The following XPO4 variants were observed in gnomAD, a reference collection of about 807,000 sequenced individuals.
XPO4 encodes exportin-4.
XPO4 carries 39 observed loss-of-function variants against 143.0 expected under a neutral mutation model. That is an observed-to-expected ratio of 0.27 (90% CI 0.21 to 0.36). The LOEUF (loss-of-function observed/expected upper bound fraction) is 0.36. XPO4 is among the 10% of genes least tolerant of loss of function. XPO4 has a pLI of 1.00. For missense variants in XPO4, 907 were observed against 1,348.0 expected (o/e 0.67, Z 5.12); for synonymous variants, 439 against 474.0 (o/e 0.93, Z 0.96).
chr13:20,804,160 TATATA>T, intron 13 of XPO4, among the ~76,000 whole-genome samples: 1 of 150,678 alleles, frequency 6.6e-6, no homozygotes, highest in South Asian at 2.1e-4. Context: ...ACACACAATA[TATATA>T]TACACACTAT....
chr13:20,813,434 T>C (rs1566577724), intron 9 of XPO4, among the ~76,000 whole-genome samples: 4 of 152,118 alleles, frequency 2.6e-5, no homozygotes, highest in Non-Finnish European at 5.9e-5. Flanking sequence ...CATATTTAAA[T>C]ATATGAAAAG....
chr13:20,806,797 C>T (rs1358251471), intron 13 of XPO4, among the ~76,000 whole-genome samples: 3 of 151,884 alleles, frequency 2.0e-5, no homozygotes, highest in African/African-American at 4.8e-5. Context: ...ATGATCTGCC[C>T]GCCTCGGTCT....
At chr13:20,795,074 T>C (rs1027519009) in intron 18 of XPO4, among the ~76,000 whole-genome samples, 6 of 148,830 alleles carry the variant, frequency 4.0e-5, no homozygotes, top group Non-Finnish European at 8.9e-5. Context: ...AACAGAACAA[T>C]CTCAAGGATT....
intron 1 of XPO4, among the ~76,000 whole-genome samples, chr13:20,882,128 G>GAAAAAAAAAAAAAAAA (rs1012835554): frequency 7.5e-6 from 1 of 133,060 alleles, no homozygotes; most frequent in African/African-American, 3.0e-5. Context: ...AAAAAAAAAA[G>GAAAAAAAAAAAAAAAA]AAAGAAAGAA....
At chr13:20,811,147 G>C (rs1243831643) in intron 9 of XPO4, among the ~76,000 whole-genome samples, 1 of 152,260 alleles carries the variant, frequency 6.6e-6, no homozygotes, top group East Asian at 1.9e-4. Flanking sequence ...GATGGGTCCT[G>C]ACATAACATG....
intron 3 of XPO4, chr13:20,856,852 T>C (rs569587542): frequency 8.4e-5 from 83 of 985,270 alleles, no homozygotes; most frequent in Middle Eastern, 5.2e-4. Context: ...ATGACGTCAC[T>C]TTCTCCAGAA....
Position 20,796,209 on chromosome 13 carries a change from C to T in XPO4, c.2664G>A (p.Val888=), listed in dbSNP as rs2137823268. 6 of 1,611,912 alleles carry T rather than the reference C, an allele frequency of 3.7e-6. No individual in the cohort carries two copies. The highest frequency in any genetic ancestry group is 3.3e-5 in the South Asian group (3 of 90,954). Residue 888 remains valine (V), a synonymous_variant, in exon 18 of 23, where the codon GTG becomes GTA. Transcript: ENST00000255305. ...GCCGCCCTAAATTATTCTTAGAATACACTTGCAACAAAGTAAGGCAGGCTT... is the reference window on the plus strand; with the variant it reads ...GCCGCCCTAAATTATTCTTAGAATATACTTGCAACAAAGTAAGGCAGGCTT... ...LYEACLTLLQ[V]YSKNNLGRQR...
rs1023182747 is a variant in XPO4 at position 20,782,370 on chromosome 13, T to G, written c.*1352A>C. On this transcript the variant is annotated 3_prime_UTR_variant, in exon 23 of 23. Coordinates refer to ENST00000255305, the MANE Select transcript of XPO4 (RefSeq NM_022459.5). ...GTTTCATATGCCTGCTGTGTATAAATTAGCTTTCATTTCCACATTGTAAGC... is the reference window on the plus strand; with the variant it reads ...GTTTCATATGCCTGCTGTGTATAAAGTAGCTTTCATTTCCACATTGTAAGC... 2 of 152,318 alleles carry G rather than the reference T, an allele frequency of 1.3e-5. No individual in the cohort carries two copies. Among genetic ancestry groups the G allele is most frequent in the Non-Finnish European group, 2.9e-5 (2 of 68,050 alleles). 9.4% of individuals were successfully genotyped at this position (152,318 alleles called of 1,614,324 possible).
At chr13:20,894,185 T>C (rs1174977055) in intron 1 of XPO4, among the ~76,000 whole-genome samples, 2 of 152,214 alleles carry the variant, frequency 1.3e-5, no homozygotes, top group Non-Finnish European at 2.9e-5. Context: ...TGGTTATGCA[T>C]GTTCTAAACT....
chr13:20,854,554 G>A (rs2060123260), intron 4 of XPO4, among the ~76,000 whole-genome samples: 1 of 152,094 alleles, frequency 6.6e-6, no homozygotes, highest in Admixed American at 6.6e-5. Context: ...AATTGTAAAG[G>A]TAATAAGCTA....
chr13:20,870,245 T>C (rs547467617), intron 1 of XPO4, among the ~76,000 whole-genome samples: 7 of 151,862 alleles, frequency 4.6e-5, no homozygotes, highest in African/African-American at 9.7e-5. Flanking sequence ...CTGGCCAACA[T>C]GGTGAAACCC....
chr13:20,791,582 C>T (rs9552282), intron 18 of XPO4, among the ~76,000 whole-genome samples: 45,667 of 151,974 alleles, frequency 0.3, 8,654 homozygotes, highest in East Asian at 0.8. Flanking sequence ...TTAAACAAAA[C>T]GACAGAATAT....
intron 4 of XPO4, chr13:20,848,638 A>C: frequency 1.0e-6 from 1 of 985,354 alleles, no homozygotes; most frequent in Non-Finnish European, 1.2e-6. Flanking sequence ...TACACCACTT[A>C]AAAAACAGAG....
intron 9 of XPO4, among the ~76,000 whole-genome samples, chr13:20,818,509 AAC>A (rs1397918019): frequency 6.6e-6 from 1 of 152,230 alleles, no homozygotes; most frequent in East Asian, 1.9e-4. Flanking sequence ...TTCCTAAACA[AAC>A]ACAGCTCTGA....
Position 20,800,870 on chromosome 13 carries a change from T to C in XPO4, c.1938A>G (p.Ala646=), listed in dbSNP as rs1185596470. ...TTTCATCCACCAGGAGATAAGTCTT[T>C]GCCCAGCGTTTTAAAAACCAAACAA... ...KDIVWFLKRW[A]KTYLLVDEKL... Residue 646 remains alanine, a synonymous_variant, in exon 14 of 23, where the codon GCA becomes GCG. Transcript: ENST00000255305. The C allele has an allele frequency of 6.2e-7, 1 of 1,614,044 alleles. No homozygotes were observed. The highest frequency in any genetic ancestry group is 8.5e-7 in the Non-Finnish European group (1 of 1,179,948).
At chr13:20,809,588 A>G (rs1256594015) in intron 10 of XPO4, among the ~76,000 whole-genome samples, 1 of 152,226 alleles carries the variant, frequency 6.6e-6, no homozygotes, top group Non-Finnish European at 1.5e-5. Context: ...AGACAGAAAG[A>G]GGTGGGTAAC....
intron 9 of XPO4, among the ~76,000 whole-genome samples, chr13:20,814,303 TAACTA>T (rs2059621659): frequency 8.3e-6 from 1 of 121,054 alleles, no homozygotes; most frequent in Non-Finnish European, 1.8e-5. Flanking sequence ...CATAAAAGTA[TAACTA>T]AAAAGTAAAA....
At chr13:20,890,985 T>C (rs911297408) in intron 1 of XPO4, among the ~76,000 whole-genome samples, 1 of 151,092 alleles carries the variant, frequency 6.6e-6, no homozygotes, top group African/African-American at 2.4e-5. Context: ...GGTATGGTGG[T>C]GCACGCCTGT....
intron 7 of XPO4, among the ~76,000 whole-genome samples, chr13:20,825,767 A>G (rs1457099627): frequency 6.6e-6 from 1 of 152,192 alleles, no homozygotes; most frequent in Non-Finnish European, 1.5e-5. Context: ...TTTAGTTACA[A>G]TTATCTCTTT....
Sources: gnomAD v4.1 joint callset for allele counts (sites outside exome capture counted in the v4.1 genomes callset) on GRCh38, gnomAD v4.1.1 for gene constraint, MANE v1.5 for transcripts, NCBI Gene and HGNC (gene_info 2026-07-23, HGNC 2026-07-21) for gene names.